The following PRDX3 variants were observed in gnomAD, a reference collection of about 807,000 sequenced individuals.
The protein encoded by PRDX3 is thioredoxin-dependent peroxide reductase, mitochondrial.
PRDX3 carries 20 observed loss-of-function variants against 30.4 expected under a neutral mutation model. That is an observed-to-expected ratio of 0.66 (90% CI 0.46 to 0.96). The LOEUF (loss-of-function observed/expected upper bound fraction) is 0.96. PRDX3 is among the 40% of genes least tolerant of loss of function. The pLI is 0.00. For synonymous variants in PRDX3, 124 were observed against 117.8 expected (o/e 1.05, Z -0.34); for missense variants, 322 against 318.3 (o/e 1.01, Z -0.09).
chr10:119,176,141 G>A (rs145200117), intron 2 of PRDX3, among the ~76,000 whole-genome samples: 307 of 152,218 alleles, frequency 2.0e-3, no homozygotes, highest in Admixed American at 5.3e-3. Flanking sequence ...AGAACAGAAA[G>A]GAATGGATGC....
intron 2 of PRDX3, among the ~76,000 whole-genome samples, chr10:119,175,731 G>A (rs1317985669): frequency 4.0e-5 from 6 of 151,868 alleles, no homozygotes; most frequent in Non-Finnish European, 7.4e-5. Flanking sequence ...TCCGGCAGGA[G>A]GGAAAGAGGA....
chr10:119,174,997 A>G (rs1847993702), intron 2 of PRDX3, among the ~76,000 whole-genome samples: 1 of 152,208 alleles, frequency 6.6e-6, no homozygotes, highest in Non-Finnish European at 1.5e-5. Context: ...TTCCCTCCCA[A>G]TATTTTCGAT....
chr10:119,172,513 G>T, intron 4 of PRDX3, 28 bp from the exon 5 acceptor site: 3 of 1,567,880 alleles, frequency 1.9e-6, no homozygotes, highest in Non-Finnish European at 2.6e-6. Flanking sequence ...ATGACTGTTA[G>T]AATGTGTGGC....
At chr10:119,170,402 C>CTT (rs1270235076) in intron 5 of PRDX3, 5 of 152,104 alleles carry the variant, frequency 3.3e-5, no homozygotes, top group African/African-American at 1.2e-4. Context: ...TCCCAAAAGT[C>CTT]TTTATCTTAT....
chr10:119,178,520 G>A (rs1304986731), intron 1 of PRDX3, among the ~76,000 whole-genome samples: 2 of 152,246 alleles, frequency 1.3e-5, no homozygotes, highest in African/African-American at 4.8e-5. Context: ...TGGGGACCGG[G>A]GACGCCGAAA....
chr10:119,174,336 G>A, intron 3 of PRDX3, 115 bp downstream of exon 3: 4 of 1,273,670 alleles, frequency 3.1e-6, no homozygotes, highest in South Asian at 3.0e-5. Flanking sequence ...GTGATAAAGG[G>A]TCAGAAAGAA....
At chr10:119,176,737 C>A (rs1451569336) in intron 2 of PRDX3, among the ~76,000 whole-genome samples, 1 of 152,208 alleles carries the variant, frequency 6.6e-6, no homozygotes. Flanking sequence ...CCCAGTAACA[C>A]CCTCCTCAAC....
In PRDX3 at chr10:119,178,764, G is replaced by T. The variant is rs569186595; in HGVS notation, c.27C>A (p.Leu9=). Residue 9 remains leucine (L), a synonymous_variant, in exon 1 of 7, where the codon CTC becomes CTA. Transcript: ENST00000298510. Reference sequence around the variant, plus strand: ...GCCGACAGCCACTCACCGACGCTCGGAGCAACCGTCCTACAGCAGCCGCCA... The same window carrying T: ...GCCGACAGCCACTCACCGACGCTCGTAGCAACCGTCCTACAGCAGCCGCCA... The part of the protein sequence containing the change: MAAAVGRL[L]RASVARHVSA... 2.6e-6 allele frequency: 4 copies of T among 1,552,734 alleles called. No individual in the cohort carries two copies. In the East Asian group the frequency reaches 9.8e-5, roughly 38 times the overall value.
In PRDX3 at chr10:119,175,699, T is replaced by A. The variant is rs893516965; in HGVS notation, c.170-1107A>T. 2.6e-5 allele frequency among the ~76,000 whole-genome samples: 4 copies of A among 151,202 alleles called. No individual in the cohort carries two copies. In the South Asian group the frequency reaches 8.4e-4, roughly 32 times the overall value. On this transcript the variant is annotated intron_variant, in intron 2 of 6. Transcript: ENST00000298510. ...CGTGAGCCACAGTGCCTGGCTGAGA[T>A]GGGGGTTTTTAGGAAGATTAGTCCG...
chr10:119,172,517 G>A (rs1318871387), intron 4 of PRDX3, 32 bp from the exon 5 acceptor site: 32 of 1,554,770 alleles, frequency 2.1e-5, no homozygotes, highest in Non-Finnish European at 2.7e-5. Context: ...CTGTTAGAAT[G>A]TGTGGCCTCA....
At chr10:119,176,266 G>A (rs1419727309) in intron 2 of PRDX3, among the ~76,000 whole-genome samples, 1 of 152,196 alleles carries the variant, frequency 6.6e-6, no homozygotes, top group Non-Finnish European at 1.5e-5. Context: ...GCGCTGCTGG[G>A]GATGAGGATT....
Position 119,173,815 on chromosome 10 carries a change from G to A in PRDX3, c.369C>T (p.His123=), listed in dbSNP as rs1011301423. Residue 123 remains histidine, a synonymous_variant, in exon 4 of 7, where the codon CAC becomes CAT. Transcript: ENST00000298510. The part of the protein sequence containing the change: ...VAFSDKANEF[H]DVNCEVVAVS... ...CTGCGACAACTTCACAGTTCACGTC[G>A]TGAAATTCGTTAGCTTTGTCACTAA... 7 of 1,612,000 alleles carry A rather than the reference G, an allele frequency of 4.3e-6. No individual in the cohort carries two copies. The highest frequency in any genetic ancestry group is 2.7e-5 in the African/African-American group (2 of 74,972).
chr10:119,171,979 G>A (rs1847917715), intron 5 of PRDX3, among the ~76,000 whole-genome samples: 1 of 152,158 alleles, frequency 6.6e-6, no homozygotes, highest in African/African-American at 2.4e-5. Context: ...GAGCAGTGTG[G>A]CCTCAAGACG....
At position 119,174,612 on chromosome 10, in the gene PRDX3, C is replaced by T. The variant is rs371495222; in HGVS notation, c.170-20G>A. On this transcript the variant is annotated intron_variant, in intron 2 of 6. Coordinates refer to ENST00000298510, the MANE Select transcript of PRDX3 (RefSeq NM_006793.5). Reference sequence around the variant, plus strand: ...AGGAACCTGAAAAAAAACCCACACTCATATGGAGTTCATCATTTGCTATGT... The same window carrying T: ...AGGAACCTGAAAAAAAACCCACACTTATATGGAGTTCATCATTTGCTATGT... 6.7e-5 allele frequency: 104 copies of T among 1,557,860 alleles called. No homozygotes were observed. Among genetic ancestry groups the T allele is most frequent in the Non-Finnish European group, 8.5e-5 (98 of 1,157,982 alleles).
chr10:119,172,262 G>T, intron 5 of PRDX3, 120 bp downstream of exon 5: 2 of 844,936 alleles, frequency 2.4e-6, no homozygotes, highest in Non-Finnish European at 3.8e-6. Flanking sequence ...GAGCCACCAT[G>T]CCCAGCCAGG....
Position 119,176,315 on chromosome 10 carries a change from C to G in PRDX3, c.169+706G>C, listed in dbSNP as rs930887340. On this transcript the variant is annotated intron_variant, in intron 2 of 6. Coordinates refer to ENST00000298510, the MANE Select transcript of PRDX3 (RefSeq NM_006793.5). ...GTAAAGTTTTAAGCCTGTGGTATCA[C>G]ATCACTACTAGAAATATTTTGAAGC... 1.6e-4 allele frequency among the ~76,000 whole-genome samples: 25 copies of G among 152,284 alleles called. 1 individual carries two copies. Among genetic ancestry groups the G allele is most frequent in the African/African-American group, 6.0e-4 (25 of 41,560 alleles).
Sources: allele counts gnomAD v4.1 joint callset (sites outside exome capture counted in the v4.1 genomes callset), GRCh38; gene constraint gnomAD v4.1.1; transcripts MANE v1.5; gene names NCBI Gene and HGNC (gene_info 2026-07-23, HGNC 2026-07-21).